Variants in SGCD observed in about 807,000 individuals in gnomAD.
SGCD encodes the protein sarcoglycan delta, also known as delta-sarcoglycan.
SGCD carries 18 observed loss-of-function variants against 36.6 expected under a neutral mutation model. The ratio of observed to expected loss-of-function variants is 0.49; its 90% CI spans 0.34 to 0.73. The LOEUF (loss-of-function observed/expected upper bound fraction) is 0.73. SGCD is among the 30% of genes least tolerant of loss of function. The pLI, the probability that SGCD is intolerant of heterozygous loss-of-function variation, is 0.01. For synonymous variants in SGCD, 133 were observed against 130.6 expected, an observed-to-expected ratio of 1.02 and a Z score of -0.12; for missense variants, 387 against 346.7, an observed-to-expected ratio of 1.12 and a Z score of -0.92.
chr5:155,872,774 T>C (rs1755682033), intron 1 of SGCD, among the ~76,000 whole-genome samples: 2 of 152,150 alleles, frequency 1.3e-5, no homozygotes, highest in South Asian at 4.1e-4. Context: ...GCCATTAAAA[T>C]TGAAAACATG....
At chr5:156,223,085 G>C (rs1199381542) in intron 3 of SGCD, among the ~76,000 whole-genome samples, 1 of 152,122 alleles carries the variant, frequency 6.6e-6, no homozygotes. Flanking sequence ...CTATTTGGAA[G>C]AATGTAAAGG....
At chr5:155,765,614 A>G in the SGCD span, among the ~76,000 whole-genome samples, 112 of 152,316 alleles carry the variant, frequency 7.4e-4, 4 homozygotes, top group East Asian at 0.021. Flanking sequence ...GATGCAACTG[A>G]TGCTGCATTC....
At chr5:156,591,545 G>A (rs1273738692) in intron 5 of SGCD, among the ~76,000 whole-genome samples, 1 of 152,158 alleles carries the variant, frequency 6.6e-6, no homozygotes, top group Non-Finnish European at 1.5e-5. Context: ...AGAGAGTTGG[G>A]AAGAGAAATT....
At chr5:155,935,702 T>A (rs1033811727) in intron 1 of SGCD, among the ~76,000 whole-genome samples, 2 of 152,176 alleles carry the variant, frequency 1.3e-5, no homozygotes, top group African/African-American at 4.8e-5. Flanking sequence ...CCTAAGGTTG[T>A]TACAGGAGCC....
Position 156,279,712 on chromosome 5 carries a change from A to T in SGCD, c.-43-49822A>T, listed in dbSNP as rs374185447. Among the ~76,000 whole-genome samples, 290 of 152,174 alleles carry T rather than the reference A, an allele frequency of 1.9e-3. 1 individual carries two copies. Among genetic ancestry groups the T allele is most frequent in the Middle Eastern group, 6.8e-3 (2 of 294 alleles). ...TTTGTGTGTGAGCAAGAACTGTACC[A>T]TGCTGTTTTCTAAGTCATATTACTG... On this transcript the variant is annotated intron_variant, in intron 3 of 9. Coordinates refer to the SGCD transcript ENST00000517913.
intron 3 of SGCD, among the ~76,000 whole-genome samples, chr5:156,250,249 AAGAT>A (rs1765541683): frequency 6.6e-6 from 1 of 152,216 alleles, no homozygotes; most frequent in African/African-American, 2.4e-5. Context: ...ATATTTCCCA[AAGAT>A]AGCGAGGTAC....
At chr5:155,928,533 T>A (rs181567595) in intron 1 of SGCD, among the ~76,000 whole-genome samples, 1 of 151,756 alleles carries the variant, frequency 6.6e-6, no homozygotes, top group African/African-American at 2.4e-5. Context: ...CTGGGTTCGG[T>A]GGTGCACACC....
At chr5:156,422,785 T>C (rs1050498284) in intron 3 of SGCD, among the ~76,000 whole-genome samples, 9 of 152,022 alleles carry the variant, frequency 5.9e-5, no homozygotes, top group Admixed American at 3.9e-4. Context: ...TACCCCATTG[T>C]GATAACCAAA....
chr5:155,894,971 G>A (rs753086434), intron 1 of SGCD, among the ~76,000 whole-genome samples: 1 of 152,140 alleles, frequency 6.6e-6, no homozygotes, highest in Non-Finnish European at 1.5e-5. Context: ...GGTCCCTGAT[G>A]CCAAAAAGGT....
chr5:155,969,452 A>T (rs78440987), intron 1 of SGCD, among the ~76,000 whole-genome samples: 3,797 of 152,228 alleles, frequency 0.025, 65 homozygotes, highest in Non-Finnish European at 0.035. Context: ...AATAAATAAA[A>T]GAATTCATAG....
At chr5:156,670,850 C>T (rs1384338915) in intron 7 of SGCD, among the ~76,000 whole-genome samples, 2 of 152,160 alleles carry the variant, frequency 1.3e-5, no homozygotes, top group African/African-American at 2.4e-5. Flanking sequence ...TGCTGTCCTT[C>T]AGTGGCTGTC....
At chr5:156,107,899 G>A (rs1001821583) in intron 1 of SGCD, among the ~76,000 whole-genome samples, 1 of 152,126 alleles carries the variant, frequency 6.6e-6, no homozygotes, top group African/African-American at 2.4e-5. Flanking sequence ...AACAAGAATA[G>A]TGAAGTAAAC....
At chr5:155,977,445 G>A (rs779152640) in intron 1 of SGCD, among the ~76,000 whole-genome samples, 11 of 151,990 alleles carry the variant, frequency 7.2e-5, no homozygotes, top group Non-Finnish European at 1.2e-4. Context: ...TCTTTTTTTA[G>A]TCACTGTATC....
At chr5:156,228,969 G>A (rs899617073) in intron 3 of SGCD, among the ~76,000 whole-genome samples, 1 of 149,332 alleles carries the variant, frequency 6.7e-6, no homozygotes, top group African/African-American at 2.6e-5. Context: ...AAGGCACACC[G>A]ACCCTTAGAG....
intron 3 of SGCD, among the ~76,000 whole-genome samples, chr5:156,496,247 T>C (rs993201925): frequency 2.0e-5 from 3 of 152,122 alleles, no homozygotes; most frequent in Admixed American, 2.0e-4. Context: ...TGTCTGTGTT[T>C]GACCTGACAG....
rs141042417 is a variant in SGCD, at chr5:156,068,132, T to C, written c.-281-49746T>C. ...TTTATTTTATTTTATTTTATGTTAT[T>C]TTATTTTATTTTAAGTTTTAGGGTA... On this transcript the variant is annotated intron_variant, in intron 1 of 9. Transcript: ENST00000517913. Among the ~76,000 whole-genome samples the C allele has an allele frequency of 6.7e-3, 1,020 of 151,218 alleles. 6 individuals are homozygous for C. The highest frequency in any genetic ancestry group is 0.023 in the African/African-American group (943 of 40,816).
At chr5:156,580,131 T>C (rs1760184654) in intron 4 of SGCD, among the ~76,000 whole-genome samples, 1 of 152,196 alleles carries the variant, frequency 6.6e-6, no homozygotes. Flanking sequence ...TCTCTCAGTA[T>C]TTGCTTGTCT....
intron 1 of SGCD, among the ~76,000 whole-genome samples, chr5:156,023,210 C>A (rs1271186977): frequency 6.6e-6 from 1 of 152,166 alleles, no homozygotes; most frequent in Admixed American, 6.5e-5. Flanking sequence ...CAACAGGGTG[C>A]CTGGCACATA....
chr5:156,070,778 G>T (rs962027736), intron 1 of SGCD, among the ~76,000 whole-genome samples: 1 of 152,096 alleles, frequency 6.6e-6, no homozygotes, highest in Non-Finnish European at 1.5e-5. Context: ...TTTTTGGTTG[G>T]TAAGCTATTG....
Sources: allele counts gnomAD v4.1 joint callset (sites outside exome capture counted in the v4.1 genomes callset), GRCh38; gene constraint gnomAD v4.1.1; transcripts MANE v1.5; gene names NCBI Gene and HGNC (gene_info 2026-07-23, HGNC 2026-07-21).